The following DCAF11 variants were observed in gnomAD, a reference collection of about 807,000 sequenced individuals.
The protein encoded by DCAF11 is DDB1 and CUL4 associated factor 11.
A neutral mutation model predicts 76.1 loss-of-function variants in DCAF11; 44 were observed. The observed-to-expected ratio is 0.58, with a 90% CI of 0.45 to 0.74. The LOEUF (loss-of-function observed/expected upper bound fraction) is 0.74. Among genes scored for constraint, DCAF11 ranks in the 30% least tolerant of loss-of-function variants. DCAF11 has a pLI of 0.00. For synonymous variants in DCAF11, 258 were observed against 255.0 expected, an observed-to-expected ratio of 1.01 and a Z score of -0.11; for missense variants, 604 against 709.4, an observed-to-expected ratio of 0.85 and a Z score of 1.69.
rs1306558220 is a variant in DCAF11 at position 24,119,429 on chromosome 14, CACTTCCTGTATAAA to C, written c.849-128_849-115del. The C allele has an allele frequency of 2.6e-5, 34 of 1,287,238 alleles. No individual in the cohort carries two copies. In the East Asian group the frequency reaches 7.9e-4, roughly 30 times the overall value. The allele number at this position is 1,287,238 out of a possible 1,614,324, so 79.7% of individuals were successfully genotyped here. ...CTTGAAACACAGCTAACTCTTCCCCCACTTCCTGTATAAAAAGAGCAAAGGGCTTGACCCAGAGC... is the reference window on the plus strand; with the variant it reads ...CTTGAAACACAGCTAACTCTTCCCCCAAGAGCAAAGGGCTTGACCCAGAGC... On this transcript the variant is annotated intron_variant, in intron 9 of 14. Coordinates refer to ENST00000446197, the MANE Select transcript of DCAF11 (RefSeq NM_025230.5).
chr14:24,122,899 A>C (rs971138098), intron 13 of DCAF11, 72 bp from the exon 14 acceptor site: 2 of 1,379,584 alleles, frequency 1.4e-6, no homozygotes, highest in East Asian at 4.6e-5. Context: ...CAGTGGTGCT[A>C]CTCATGGGGA....
Position 24,116,935 on chromosome 14 carries a change from G to A in DCAF11, c.174G>A (p.Val58=). ...TCCACAGAGGCCAAGTGAGGTTGGTGCAGGGAGGAGGTGCAGCAAATTTAC... is the reference window on the plus strand; with the variant it reads ...TCCACAGAGGCCAAGTGAGGTTGGTACAGGGAGGAGGTGCAGCAAATTTAC... ...YLLRRGQVRL[V]QGGGAANLQF... is the part of the protein sequence containing the mutation. The change falls in exon 3 of 15, where the codon GTG becomes GTA. Residue 58 remains valine (V), a synonymous_variant. Coordinates refer to ENST00000446197, the MANE Select transcript of DCAF11 (RefSeq NM_025230.5). 1 of 1,614,170 alleles carries A rather than the reference G, an allele frequency of 6.2e-7. No individual in the cohort carries two copies. Among genetic ancestry groups the A allele is most frequent in the Non-Finnish European group, 8.5e-7 (1 of 1,180,022 alleles).
Position 24,119,854 on chromosome 14 carries a change from A to G in DCAF11, c.1050A>G (p.Ala350=), listed in dbSNP as rs1332684604. 2.5e-6 allele frequency: 4 copies of G among 1,614,046 alleles called. No individual in the cohort carries two copies. The highest frequency in any genetic ancestry group is 2.5e-6 in the Non-Finnish European group (3 of 1,179,926). The change falls in exon 11 of 15, where the codon GCA becomes GCG. Residue 350 remains alanine, a synonymous_variant. Transcript: ENST00000446197. ...MREDDPKPVG[A]LAGHQDGITF... ...AGGATGACCCCAAGCCTGTGGGTGC[A>G]CTGGCTGGACACCAGGATGGCATCA...
Position 24,117,754 on chromosome 14 carries a change from G to A in DCAF11, c.476+22G>A, listed in dbSNP as rs1255037899. ...CTCAGTGAGTATGGGGCTTGGTGAA[G>A]AGACTCTAAGGGCCAGATAGGTCTT... is the stretch of plus-strand genomic sequence containing the variant. On this transcript the variant is annotated intron_variant, in intron 5 of 14. Coordinates refer to ENST00000446197, the MANE Select transcript of DCAF11 (RefSeq NM_025230.5). This position sits in a 1 kb window ranked among gnomAD's most constrained non-coding sequence, Gnocchi z 4.3. 6.2e-7 allele frequency: 1 copy of A among 1,612,118 alleles called. No homozygotes were observed. The highest frequency in any genetic ancestry group is 1.3e-5 in the African/African-American group (1 of 75,014).
intron 13 of DCAF11, among the ~76,000 whole-genome samples, chr14:24,122,709 G>C (rs762093): frequency 0.46 from 70,338 of 151,984 alleles, 18,250 homozygotes; most frequent in African/African-American, 0.68. Flanking sequence ...TTCAAAGCCA[G>C]TGCATTTCCT....
At chr14:24,119,337 G>C in intron 9 of DCAF11, 124 bp downstream of exon 9, 1 of 1,371,904 alleles carries the variant, frequency 7.3e-7, no homozygotes, top group Non-Finnish European at 1.0e-6. Flanking sequence ...CCCAAGGTCA[G>C]GATTTACAAG....
intron 13 of DCAF11, among the ~76,000 whole-genome samples, chr14:24,122,578 ACACT>A (rs2037711244): frequency 6.6e-6 from 1 of 151,986 alleles, no homozygotes; most frequent in East Asian, 1.9e-4. Flanking sequence ...CCCTAGAGAG[ACACT>A]CACAGTCCCA....
chr14:24,123,722 G>C lies in DCAF11; in HGVS notation c.*413G>C, dbSNP rs1219772245. On this transcript the variant is annotated 3_prime_UTR_variant, in exon 15 of 15. Coordinates refer to ENST00000446197, the MANE Select transcript of DCAF11 (RefSeq NM_025230.5). The stretch of plus-strand genomic sequence containing the variant: ...TTGAGGATTCAACTGGCCAATCACA[G>C]GACAGGTGTCCTGGCCTTTCTTCCT... 1 of 163,606 alleles carries C rather than the reference G, an allele frequency of 6.1e-6. No individual in the cohort carries two copies. Among genetic ancestry groups the C allele is most frequent in the African/African-American group, 2.4e-5 (1 of 41,912 alleles). The allele number at this position is 163,606 out of a possible 1,614,324, so 10.1% of individuals were successfully genotyped here.
In DCAF11 at chr14:24,119,605, C is replaced by T. The variant is rs749316385; in HGVS notation, c.895C>T (p.Arg299Cys). 25 of 1,614,102 alleles carry T rather than the reference C, an allele frequency of 1.5e-5. No homozygotes were observed. The highest frequency in any genetic ancestry group is 8.3e-5 in the Admixed American group (5 of 60,016). ...TGTCTTTGACCGAGAACAGAACCGGCGCACCCTTCAGGTATGGCTCCTGAG... is the reference window on the plus strand; with the variant it reads ...TGTCTTTGACCGAGAACAGAACCGGTGCACCCTTCAGGTATGGCTCCTGAG... Reference protein sequence around the residue: ...LYVFDREQNRRTLQIESHEDD... With the variant: ...LYVFDREQNRCTLQIESHEDD... The change falls in exon 10 of 15, where the codon CGC becomes TGC. Residue 299 changes from arginine to cysteine, a missense_variant. Transcript: ENST00000446197.
intron 6 of DCAF11, 36 bp from the exon 7 acceptor site, chr14:24,118,352 C>G: frequency 6.2e-7 from 1 of 1,611,684 alleles, no homozygotes; most frequent in Non-Finnish European, 8.5e-7. Context: ...TACAAGGAAA[C>G]TGTCCCATAA....
At chr14:24,116,891 C>T in intron 2 of DCAF11, 26 bp from the exon 3 acceptor site, 4 of 1,613,836 alleles carry the variant, frequency 2.5e-6, no homozygotes, top group Non-Finnish European at 3.4e-6. Flanking sequence ...GAAGTCCCCT[C>T]CTTTATAATG....
At chr14:24,118,022 C>G in intron 5 of DCAF11, 33 bp from the exon 6 acceptor site, 48 of 1,389,834 alleles carry the variant, frequency 3.5e-5, no homozygotes, top group Non-Finnish European at 4.1e-5. Context: ...ATCCTGAGCA[C>G]CCCTCACCCT....
chr14:24,114,990 C>A lies in DCAF11; in HGVS notation c.-517C>A. 8.1e-6 allele frequency: 8 copies of A among 985,966 alleles called. No homozygotes were observed. Among genetic ancestry groups the A allele is most frequent in the Non-Finnish European group, 9.6e-6 (8 of 829,968 alleles). The allele number at this position is 985,966 out of a possible 1,614,324, so 61.1% of individuals were successfully genotyped here. ...GGGAGGTGCTTCTCGGCTTCCTCCC[C>A]CTCATGGCGTACACACCCCCGGCGC... On this transcript the variant is annotated 5_prime_UTR_variant, in exon 1 of 15. Coordinates refer to ENST00000446197, the MANE Select transcript of DCAF11 (RefSeq NM_025230.5).
At chr14:24,116,804 C>T in intron 2 of DCAF11, 113 bp from the exon 3 acceptor site, 2 of 1,493,122 alleles carry the variant, frequency 1.3e-6, no homozygotes, top group East Asian at 2.3e-5. Flanking sequence ...TCTAGTCAGC[C>T]TCAAACCTCA....
In DCAF11 at chr14:24,115,130, G is replaced by T; in HGVS notation, c.-377G>T. ...GCTCTGATTGGTCGATAAGGTGGGG[G>T]CGTCGAGGGTCTTTGAGTCCTAAGG... is the stretch of plus-strand genomic sequence containing the variant. On this transcript the variant is annotated 5_prime_UTR_variant, in exon 1 of 15. Transcript: ENST00000446197. 2.0e-6 allele frequency: 1 copy of T among 505,230 alleles called. No homozygotes were observed. Among genetic ancestry groups the T allele is most frequent in the Non-Finnish European group, 2.6e-6 (1 of 390,644 alleles). The allele number at this position is 505,230 out of a possible 1,614,324, so 31.3% of individuals were successfully genotyped here.
rs112788511 is a variant in DCAF11, at chr14:24,117,054, A to C, written c.283+10A>C. The C allele has an allele frequency of 6.2e-7, 1 of 1,614,080 alleles. No homozygotes were observed. The highest frequency in any genetic ancestry group is 8.5e-7 in the Non-Finnish European group (1 of 1,180,038). Reference sequence around the variant, plus strand: ...CGATACAACCCACCTGGTAAGAGGAAAAGCCCCTAATGTTGGAAGACTTTT... The same window carrying C: ...CGATACAACCCACCTGGTAAGAGGACAAGCCCCTAATGTTGGAAGACTTTT... On this transcript the variant is annotated intron_variant, in intron 3 of 14. Coordinates refer to ENST00000446197, the MANE Select transcript of DCAF11 (RefSeq NM_025230.5). This position sits in a 1 kb window ranked among gnomAD's most constrained non-coding sequence, Gnocchi z 4.3.
In DCAF11 at chr14:24,117,978, C is replaced by A; in HGVS notation, c.477-77C>A. ...AAGAATGACTGTTCTGATATTCCAG[C>A]TCTGTTAGGATTCTGCTGATTGGGA... is the stretch of plus-strand genomic sequence containing the variant. On this transcript the variant is annotated intron_variant, in intron 5 of 14. Coordinates refer to ENST00000446197, the MANE Select transcript of DCAF11 (RefSeq NM_025230.5). This position sits in a 1 kb window ranked among gnomAD's most constrained non-coding sequence, Gnocchi z 4.3. 5 of 1,091,860 alleles carry A rather than the reference C, an allele frequency of 4.6e-6. No homozygotes were observed. In the South Asian group the frequency reaches 5.7e-5, roughly 12 times the overall value. The allele number at this position is 1,091,860 out of a possible 1,614,324, so 67.6% of individuals were successfully genotyped here.
intron 12 of DCAF11, 143 bp downstream of exon 12, chr14:24,121,134 C>A (rs1388579394): frequency 3.1e-6 from 4 of 1,307,796 alleles, no homozygotes; most frequent in South Asian, 1.5e-5. Context: ...AGGATTGGGG[C>A]CTGGGTGGGG....
intron 13 of DCAF11, 108 bp from the exon 14 acceptor site, chr14:24,122,863 C>A: frequency 1.1e-6 from 1 of 919,468 alleles, no homozygotes; most frequent in Admixed American, 2.4e-5. Flanking sequence ...CCCATGGGAA[C>A]ATGGGAAGTT....
Sources: gnomAD v4.1 joint callset for allele counts (sites outside exome capture counted in the v4.1 genomes callset) on GRCh38, gnomAD v4.1.1 for gene constraint, Gnocchi (gnomAD v3.1) non-coding constraint, MANE v1.5 for transcripts, NCBI Gene and HGNC (gene_info 2026-07-23, HGNC 2026-07-21) for gene names.